KPRP: variants seen among roughly 807,000 people sequenced by gnomAD.
KPRP encodes the protein keratinocyte proline rich protein, also known as keratinocyte proline-rich protein.
For missense variants in KPRP, 820 were observed against 746.4 expected (o/e 1.10, Z -1.15); for synonymous variants, 282 against 276.9 (o/e 1.02, Z -0.18).
chr1:152,760,807 C>T (rs1463856931), exon 1 of KPRP: 3 of 1,614,042 alleles, frequency 1.9e-6, no homozygotes, highest in East Asian at 2.2e-5. Flanking sequence ...TCCACGTCCA[C>T]GTCTGCGCCC....
Position 152,760,277 on chromosome 1 carries a change from G to A in KPRP, c.689G>A (p.Cys230Tyr), listed in dbSNP as rs149579398. Reference sequence around the variant, plus strand: ...CGGTCCCGGACTTCATTTAGTCCCTGTGTGCCCCAGTGCCAGACCCAGGGC... The same window carrying A: ...CGGTCCCGGACTTCATTTAGTCCCTATGTGCCCCAGTGCCAGACCCAGGGC... The change falls in exon 1 of 1, where the codon TGT becomes TAT. Residue 230 changes from cysteine to tyrosine, a missense_variant. Cys to Tyr is a radical substitution (Grantham distance 194). Transcript: ENST00000606109. 2.5e-6 allele frequency: 4 copies of A among 1,614,100 alleles called. No homozygotes were observed. In the African/African-American group the frequency reaches 5.3e-5, roughly 22 times the overall value.
chr1:152,758,507 T>A (rs981199905), upstream of KPRP, among the ~76,000 whole-genome samples: 1 of 152,162 alleles, frequency 6.6e-6, no homozygotes, highest in Non-Finnish European at 1.5e-5. Context: ...GAGCCTGTTG[T>A]CAAATGATCT....
At chr1:152,761,233 G>C in exon 1 of KPRP, 1 of 1,614,216 alleles carries the variant, frequency 6.2e-7, no homozygotes, top group Non-Finnish European at 8.5e-7. Flanking sequence ...TGGGCCTGGT[G>C]ATGTGTTTCC....
exon 1 of KPRP, chr1:152,760,206 C>G (rs1425743286): frequency 1.2e-6 from 2 of 1,614,020 alleles, no homozygotes; most frequent in East Asian, 4.5e-5. Context: ...ACTACACCCC[C>G]CAGTTCCAGT....
exon 1 of KPRP, chr1:152,759,696 G>A (rs1651044170): frequency 3.1e-6 from 5 of 1,614,158 alleles, no homozygotes; most frequent in Non-Finnish European, 4.2e-6. Flanking sequence ...GCCAAGTGGT[G>A]GTTCAAGCCC....
chr1:152,760,881 T>G, exon 1 of KPRP: 1 of 1,614,180 alleles, frequency 6.2e-7, no homozygotes, highest in Non-Finnish European at 8.5e-7. Flanking sequence ...CAGAACCTTG[T>G]TTGTATCCAG....
exon 1 of KPRP, chr1:152,760,282 C>T (rs377657002): frequency 6.2e-7 from 1 of 1,614,138 alleles, no homozygotes; most frequent in Non-Finnish European, 8.5e-7. Flanking sequence ...TCCCTGTGTG[C>T]CCCAGTGCCA....
exon 1 of KPRP, chr1:152,760,241 T>A (rs1651065626): frequency 6.2e-7 from 1 of 1,614,072 alleles, no homozygotes; most frequent in Non-Finnish European, 8.5e-7. Flanking sequence ...AGCAGCTGTT[T>A]CCCTCAGTAT....
exon 1 of KPRP, chr1:152,760,148 C>T (rs1367851722): frequency 6.2e-7 from 1 of 1,614,148 alleles, no homozygotes; most frequent in Non-Finnish European, 8.5e-7. Context: ...TATCAAGGCT[C>T]CTATAGCAGT....
exon 1 of KPRP, chr1:152,760,177 T>G: frequency 1.2e-6 from 2 of 1,614,022 alleles, no homozygotes; most frequent in Non-Finnish European, 1.7e-6. Flanking sequence ...CCAGTTTCAG[T>G]CAAGGGCTAC....
Position 152,760,274 on chromosome 1 carries a change from C to T in KPRP, c.686C>T (p.Pro229Leu), listed in dbSNP as rs775948658. ...TATCGGTCCCGGACTTCATTTAGTC[C>T]CTGTGTGCCCCAGTGCCAGACCCAG... The change falls in exon 1 of 1, where the codon CCC becomes CTC. Residue 229 changes from proline (P) to leucine (L), a missense_variant. By Grantham distance (98) the Pro-to-Leu change is moderately conservative (BLOSUM62 -3). Transcript: ENST00000606109. 52 of 1,614,050 alleles carry T rather than the reference C, an allele frequency of 3.2e-5. No homozygotes were observed. The highest frequency in any genetic ancestry group is 4.4e-5 in the Non-Finnish European group (52 of 1,180,050).
exon 1 of KPRP, chr1:152,760,544 A>G: frequency 6.2e-7 from 1 of 1,611,056 alleles, no homozygotes; most frequent in Non-Finnish European, 8.5e-7. Context: ...AGCTGCTCTC[A>G]GAGACGTGGC....
chr1:152,760,866 A>G, exon 1 of KPRP: 3 of 1,614,182 alleles, frequency 1.9e-6, no homozygotes, highest in South Asian at 1.1e-5. Context: ...TACCACGACA[A>G]CTTTCAGAAC....
In KPRP at chr1:152,761,673, C is replaced by T. The variant is rs1238293510; in HGVS notation, c.*345C>T. ...CCACTCTGCCTGGACCACTTCTCTC[C>T]TCCTCCCCAGCTTCTGAAATCCACC... is the stretch of plus-strand genomic sequence containing the variant. On this transcript the variant is annotated 3_prime_UTR_variant, in exon 1 of 1. Transcript: ENST00000606109. The T allele has an allele frequency of 1.0e-4, 24 of 229,006 alleles. 1 individual carries two copies. The highest frequency in any genetic ancestry group is 1.7e-3 in the Middle Eastern group (1 of 572). 14.2% of individuals were successfully genotyped at this position (229,006 alleles called of 1,614,324 possible).
chr1:152,759,572 C>A lies in KPRP; in HGVS notation c.-17C>A. The A allele has an allele frequency of 6.2e-7, 1 of 1,608,320 alleles. No individual in the cohort carries two copies. The highest frequency in any genetic ancestry group is 8.5e-7 in the Non-Finnish European group (1 of 1,176,654). On this transcript the variant is annotated 5_prime_UTR_variant, in exon 1 of 1. In the 5' UTR this introduces an upstream ATG that the reference lacks. Coordinates refer to ENST00000606109, the Ensembl canonical transcript of KPRP. ...CTCTTTGCCCTCAGGTCACTCTTGA[C>A]TGGCTGCATCAGGACCATGTGTGAC...
At chr1:152,759,681 C>T (rs936387242) in exon 1 of KPRP, 2 of 1,614,022 alleles carry the variant, frequency 1.2e-6, no homozygotes, top group African/African-American at 2.7e-5. Flanking sequence ...CCCCCTTTGC[C>T]CAGAGCCAAG....
chr1:152,759,745 C>T lies in KPRP; in HGVS notation c.157C>T (p.Pro53Ser), dbSNP rs767085938. 7 of 1,614,044 alleles carry T rather than the reference C, an allele frequency of 4.3e-6. No individual in the cohort carries two copies. The South Asian group carries it at 6.6e-5, about 15-fold the overall frequency. Reference sequence around the variant, plus strand: ...AATTGTGGACTGCCCTGCATCATGCCCAGTTCAAGTTTGCCAGGTGTCAGA... The same window carrying T: ...AATTGTGGACTGCCCTGCATCATGCTCAGTTCAAGTTTGCCAGGTGTCAGA... Residue 53 changes from proline to serine, a missense_variant, in exon 1 of 1, where the codon CCA becomes TCA. Coordinates refer to ENST00000606109, the Ensembl canonical transcript of KPRP.
In KPRP at chr1:152,760,306, T is replaced by C; in HGVS notation, c.718T>C (p.Tyr240His). The C allele has an allele frequency of 6.2e-7, 1 of 1,614,154 alleles. No individual in the cohort carries two copies. The highest frequency in any genetic ancestry group is 2.2e-5 in the East Asian group (1 of 44,852). The change falls in exon 1 of 1, where the codon TAT becomes CAT. Residue 240 changes from tyrosine (Y) to histidine (H), a missense_variant. Transcript: ENST00000606109. ...GCCCCAGTGCCAGACCCAGGGCTCC[T>C]ATGGGAGCTTCACTGAACAGCACCG...
At position 152,759,623 on chromosome 1, in the gene KPRP, C is replaced by T. The variant is rs150045632; in HGVS notation, c.35C>T (p.Pro12Leu). The stretch of plus-strand genomic sequence containing the variant: ...CAGCAGCAGATCCAGTGCCGCCTGC[C>T]GCTCCAACAGTGCTGCGTCAAGGGT... The change falls in exon 1 of 1, where the codon CCG becomes CTG. Residue 12 changes from proline to leucine, a missense_variant. Pro to Leu is a moderately conservative substitution (Grantham distance 98, BLOSUM62 -3). Transcript: ENST00000606109. The T allele has an allele frequency of 2.0e-5, 32 of 1,613,976 alleles. No individual in the cohort carries two copies. The highest frequency in any genetic ancestry group is 4.4e-5 in the South Asian group (4 of 91,084).
Sources: allele counts gnomAD v4.1 joint callset (sites outside exome capture counted in the v4.1 genomes callset), GRCh38; gene constraint gnomAD v4.1.1; transcripts MANE v1.5; gene names NCBI Gene and HGNC (gene_info 2026-07-23, HGNC 2026-07-21).